Variants in PCSK6 observed in about 807,000 individuals in gnomAD.
PCSK6 encodes the protein paired basic amino acid cleaving enzyme 4.
A neutral mutation model predicts 123.3 loss-of-function variants in PCSK6; 85 were observed. The observed-to-expected ratio is 0.69, with a 90% CI of 0.58 to 0.83. PCSK6 has a LOEUF of 0.83. Among genes scored for constraint, PCSK6 ranks in the 40% least tolerant of loss-of-function variants. The pLI is 0.00. For synonymous variants in PCSK6, 508 were observed against 516.0 expected, an observed-to-expected ratio of 0.98 and a Z score of 0.21; for missense variants, 1,191 against 1,282.3, an observed-to-expected ratio of 0.93 and a Z score of 1.09.
intron 8 of PCSK6, 111 bp from the exon 9 acceptor site, chr15:101,389,675 C>T: frequency 2.6e-6 from 2 of 783,366 alleles, no homozygotes; most frequent in Admixed American, 2.5e-5. Flanking sequence ...GACCCTGGGT[C>T]TCGGGAACAA....
At chr15:101,395,541 G>C (rs541200609) in intron 7 of PCSK6, among the ~76,000 whole-genome samples, 8 of 152,184 alleles carry the variant, frequency 5.3e-5, no homozygotes, top group Non-Finnish European at 1.0e-4. Context: ...GAAATGAGGC[G>C]AGGAAACAGC....
At chr15:101,387,541 A>G (rs2042100987) in intron 9 of PCSK6, among the ~76,000 whole-genome samples, 1 of 152,262 alleles carries the variant, frequency 6.6e-6, no homozygotes, top group African/African-American at 2.4e-5. Context: ...AATCACAAAT[A>G]TAACCGCATG....
chr15:101,461,766 A>G (rs1312042622), intron 1 of PCSK6, among the ~76,000 whole-genome samples: 1 of 152,200 alleles, frequency 6.6e-6, no homozygotes, highest in African/African-American at 2.4e-5. Context: ...TAAAATTCAA[A>G]ACCCATATGA....
chr15:101,335,477 G>A (rs140022696), intron 13 of PCSK6, among the ~76,000 whole-genome samples: 2 of 152,274 alleles, frequency 1.3e-5, no homozygotes, highest in African/African-American at 2.4e-5. Flanking sequence ...TGCATATGAC[G>A]AAGTCTCCCT....
chr15:101,307,552 G>T (rs528208932), intron 20 of PCSK6: 8 of 487,166 alleles, frequency 1.6e-5, no homozygotes, highest in East Asian at 1.1e-4. Flanking sequence ...GACAGCCATG[G>T]CCAGTTGGCA....
At chr15:101,387,497 A>G (rs1432567225) in intron 9 of PCSK6, among the ~76,000 whole-genome samples, 1 of 152,252 alleles carries the variant, frequency 6.6e-6, no homozygotes, top group Non-Finnish European at 1.5e-5. Context: ...TTTTCTTATG[A>G]AAAAATCTAT....
At chr15:101,391,331 G>A (rs1484368875) in intron 8 of PCSK6, among the ~76,000 whole-genome samples, 1 of 152,216 alleles carries the variant, frequency 6.6e-6, no homozygotes, top group Non-Finnish European at 1.5e-5. Flanking sequence ...ACTAGGGGTG[G>A]CTGGGCAGGA....
At chr15:101,321,683 G>A (rs1048526314) in intron 18 of PCSK6, among the ~76,000 whole-genome samples, 2 of 152,202 alleles carry the variant, frequency 1.3e-5, no homozygotes, top group East Asian at 1.9e-4. Flanking sequence ...GCCCTCCACC[G>A]CCTCACCCTG....
intron 13 of PCSK6, among the ~76,000 whole-genome samples, chr15:101,351,751 T>A (rs7180651): frequency 6.6e-6 from 1 of 152,166 alleles, no homozygotes; most frequent in Admixed American, 6.5e-5. Flanking sequence ...TATAACTTCA[T>A]GGGTGGTGGG....
chr15:101,483,550 T>C (rs961159824), intron 1 of PCSK6, among the ~76,000 whole-genome samples: 1 of 152,174 alleles, frequency 6.6e-6, no homozygotes, highest in Admixed American at 6.5e-5. Context: ...AAGCATGGCA[T>C]CCAAGAACCA....
At chr15:101,358,229 A>G (rs1295439316) in intron 13 of PCSK6, among the ~76,000 whole-genome samples, 1 of 152,154 alleles carries the variant, frequency 6.6e-6, no homozygotes. Flanking sequence ...CTGGCACTTC[A>G]TTCTACAAAA....
intron 11 of PCSK6, among the ~76,000 whole-genome samples, chr15:101,380,372 C>T (rs1225608679): frequency 6.6e-6 from 1 of 152,226 alleles, no homozygotes; most frequent in Non-Finnish European, 1.5e-5. Context: ...GGGCAGCCCC[C>T]AGGTCAGGAA....
intron 6 of PCSK6, among the ~76,000 whole-genome samples, chr15:101,424,380 C>A (rs1422251422): frequency 1.3e-5 from 2 of 150,952 alleles, no homozygotes. Context: ...TGTTGAAAGA[C>A]AAAAAAAAAG....
At position 101,387,820 on chromosome 15, in the gene PCSK6, C is replaced by T. The variant is rs146938123; in HGVS notation, c.1310+1644G>A. ...GCGGCCTGGGGCCAACCTGCACAGG[C>T]GAGAGCTATCCCAGGCTACAGGTCT... is the stretch of plus-strand genomic sequence containing the variant. On this transcript the variant is annotated intron_variant, in intron 9 of 21. Coordinates refer to ENST00000611716, the MANE Select transcript of PCSK6 (RefSeq NM_002570.5). Among the ~76,000 whole-genome samples the T allele has an allele frequency of 4.1e-4, 63 of 152,240 alleles. 3 individuals are homozygous for T.
At chr15:101,391,838 C>T (rs2141546597) in intron 8 of PCSK6, among the ~76,000 whole-genome samples, 2 of 152,276 alleles carry the variant, frequency 1.3e-5, no homozygotes, top group East Asian at 3.9e-4. Context: ...GGGCAGTGAC[C>T]AAGACAAAGT....
chr15:101,481,298 TGGAAGGCTGAGGGGCGAATCTGGTGACG>T (rs2141265027), intron 1 of PCSK6, among the ~76,000 whole-genome samples: 1 of 147,334 alleles, frequency 6.8e-6, no homozygotes, highest in Admixed American at 6.7e-5. Context: ...CAGCAGAACT[TGGAAGGCTGAGGGGCGAATCTGGTGACG>T]GGTGGGAAGG....
At chr15:101,434,785 C>T (rs1050961493) in intron 2 of PCSK6, among the ~76,000 whole-genome samples, 1 of 128,496 alleles carries the variant, frequency 7.8e-6, no homozygotes, top group African/African-American at 3.4e-5. Flanking sequence ...AGCGCGGTGG[C>T]AGAGGCTGAT....
intron 1 of PCSK6, among the ~76,000 whole-genome samples, chr15:101,449,479 A>C (rs1309347906): frequency 6.6e-6 from 1 of 152,256 alleles, no homozygotes; most frequent in Non-Finnish European, 1.5e-5. Flanking sequence ...TGTAAGGTTC[A>C]TAAACAAATG....
chr15:101,322,773 G>A (rs908376904), intron 17 of PCSK6, among the ~76,000 whole-genome samples, 166 bp from the exon 18 acceptor site: 12 of 152,164 alleles, frequency 7.9e-5, no homozygotes, highest in Non-Finnish European at 1.8e-4. Context: ...GCTTGTACCT[G>A]GTGTGGGGTC....
Sources: gnomAD v4.1 joint callset for allele counts (sites outside exome capture counted in the v4.1 genomes callset) on GRCh38, gnomAD v4.1.1 for gene constraint, MANE v1.5 for transcripts, NCBI Gene and HGNC (gene_info 2026-07-23, HGNC 2026-07-21) for gene names.